RIMS1: variants seen among roughly 807,000 people sequenced by gnomAD.
RIMS1 encodes regulating synaptic membrane exocytosis protein 1.
RIMS1 carries 83 observed loss-of-function variants against 214.1 expected under a neutral mutation model. The ratio of observed to expected loss-of-function variants is 0.39; its 90% CI spans 0.32 to 0.47. The LOEUF (loss-of-function observed/expected upper bound fraction) is 0.47. Among genes scored for constraint, RIMS1 ranks in the 20% least tolerant of loss-of-function variants. The probability of loss-of-function intolerance (pLI) is 0.99; values close to 1 mark genes in which losing one functional copy is unlikely to be tolerated. For missense variants in RIMS1, 2,050 were observed against 2,161.8 expected, an observed-to-expected ratio of 0.95 and a Z score of 1.03; for synonymous variants, 793 against 786.8, an observed-to-expected ratio of 1.01 and a Z score of -0.13.
intron 19 of RIMS1, chr6:72,261,022 G>T: frequency 7.9e-7 from 1 of 1,268,016 alleles, no homozygotes; most frequent in African/African-American, 1.5e-5. Context: ...GACTGTTTGC[G>T]TTCCTAAAAC....
intron 27 of RIMS1, among the ~76,000 whole-genome samples, chr6:72,310,007 G>A (rs1484812950): frequency 1.3e-5 from 2 of 151,814 alleles, no homozygotes; most frequent in African/African-American, 4.8e-5. Context: ...ATTTTATAAA[G>A]ATCTATTTTT....
chr6:71,905,182 T>G (rs1774892271), intron 1 of RIMS1, among the ~76,000 whole-genome samples: 1 of 152,116 alleles, frequency 6.6e-6, no homozygotes, highest in Non-Finnish European at 1.5e-5. Flanking sequence ...AGGACTTTTT[T>G]TTTTTATATG....
At chr6:72,270,999 G>T (rs1437362948) in intron 22 of RIMS1, among the ~76,000 whole-genome samples, 4 of 152,186 alleles carry the variant, frequency 2.6e-5, no homozygotes. Context: ...CTGCCGTGGT[G>T]GCTCATGCCT....
At chr6:72,358,123 A>AT (rs1199918669) in intron 29 of RIMS1, among the ~76,000 whole-genome samples, 2 of 145,304 alleles carry the variant, frequency 1.4e-5, no homozygotes, top group Admixed American at 1.4e-4. Context: ...ATATGAAATT[A>AT]TTTTTTCCCT....
intron 4 of RIMS1, among the ~76,000 whole-genome samples, chr6:72,140,124 A>G (rs1202272492): frequency 2.0e-5 from 3 of 152,176 alleles, no homozygotes; most frequent in East Asian, 3.8e-4. Context: ...ATCTTGGTTT[A>G]GAAAACTGTT....
intron 2 of RIMS1, among the ~76,000 whole-genome samples, chr6:72,017,956 G>T (rs1423930279): frequency 6.6e-6 from 1 of 152,190 alleles, no homozygotes; most frequent in Non-Finnish European, 1.5e-5. Context: ...GACCAAAGAG[G>T]TTTCAAAGTG....
chr6:71,890,442 G>A (rs971208151), intron 1 of RIMS1, among the ~76,000 whole-genome samples: 6 of 139,570 alleles, frequency 4.3e-5, no homozygotes, highest in Non-Finnish European at 6.3e-5. Context: ...TAACTTTCTC[G>A]ATGAATACTC....
chr6:72,254,790 TA>T (rs1449693442), intron 16 of RIMS1, among the ~76,000 whole-genome samples: 1 of 152,204 alleles, frequency 6.6e-6, no homozygotes, highest in Non-Finnish European at 1.5e-5. Flanking sequence ...AGTGCTTGAG[TA>T]CCACCAAGGA....
At chr6:72,188,458 T>C (rs1200957241) in intron 6 of RIMS1, among the ~76,000 whole-genome samples, 6 of 152,226 alleles carry the variant, frequency 3.9e-5, no homozygotes, top group Non-Finnish European at 7.3e-5. Flanking sequence ...ATAAATCTTA[T>C]GTCACATGAT....
chr6:72,230,792 G>C (rs1000152924), intron 6 of RIMS1, among the ~76,000 whole-genome samples: 1 of 151,502 alleles, frequency 6.6e-6, no homozygotes, highest in African/African-American at 2.4e-5. Flanking sequence ...ACAAGGGATA[G>C]TATAAAAATT....
chr6:71,908,893 A>T (rs538618160), intron 1 of RIMS1, among the ~76,000 whole-genome samples: 2 of 152,318 alleles, frequency 1.3e-5, no homozygotes, highest in African/African-American at 2.4e-5. Flanking sequence ...GTATGTATTT[A>T]AGCCTGTAAG....
intron 26 of RIMS1, among the ~76,000 whole-genome samples, chr6:72,292,353 G>T (rs1008470485): frequency 9.2e-5 from 14 of 152,136 alleles, no homozygotes; most frequent in Admixed American, 7.2e-4. Flanking sequence ...AAATCTCATT[G>T]CAATATGGCA....
intron 5 of RIMS1, among the ~76,000 whole-genome samples, 198 bp from the exon 6 acceptor site, chr6:72,182,086 G>C (rs1416111251): frequency 6.6e-6 from 1 of 152,142 alleles, no homozygotes; most frequent in East Asian, 1.9e-4. Context: ...AACTATATTT[G>C]GTAATAATTA....
intron 6 of RIMS1, among the ~76,000 whole-genome samples, chr6:72,188,994 C>G (rs1047326333): frequency 6.6e-6 from 1 of 152,154 alleles, no homozygotes; most frequent in Non-Finnish European, 1.5e-5. Flanking sequence ...CATTGTGTCT[C>G]CTGGTGACAG....
chr6:72,144,439 G>A (rs1195426046), intron 4 of RIMS1, among the ~76,000 whole-genome samples: 2 of 152,124 alleles, frequency 1.3e-5, no homozygotes, highest in Admixed American at 6.6e-5. Flanking sequence ...GCCCGCTGGG[G>A]TCCTCCGTGA....
chr6:72,087,438 A>G (rs1051213127), intron 2 of RIMS1, among the ~76,000 whole-genome samples: 42 of 152,228 alleles, frequency 2.8e-4, no homozygotes, highest in African/African-American at 1.0e-3. Context: ...CTCTGGCAGA[A>G]TTGCCCTTGT....
chr6:72,212,778 A>T (rs2054049429), intron 6 of RIMS1: 1 of 1,008,758 alleles, frequency 9.9e-7, no homozygotes, highest in African/African-American at 1.7e-5. Context: ...GATCTGGTTA[A>T]AACCCAACAG....
rs2154135608 is a variant in RIMS1 at position 72,250,947 on chromosome 6, C to T, written c.2399C>T (p.Thr800Ile). 6.5e-7 allele frequency: 1 copy of T among 1,528,320 alleles called. No homozygotes were observed. The highest frequency in any genetic ancestry group is 8.8e-7 in the Non-Finnish European group (1 of 1,136,952). The allele number at this position is 1,528,320 out of a possible 1,614,324, so 94.7% of individuals were successfully genotyped here. A position where few individuals can be genotyped will look rare whatever the true frequency, so the allele number is the denominator to read the frequency against. ...RSDKSKRRTK[T>I]VKKILEPKWN... ...GATAAAAGTAAAAGGAGGACCAAAACAGTAAAGAAAATACTAGAACCAAAA... is the reference window on the plus strand; with the variant it reads ...GATAAAAGTAAAAGGAGGACCAAAATAGTAAAGAAAATACTAGAACCAAAA... Residue 800 changes from threonine to isoleucine, a missense_variant, in exon 14 of 34, where the codon ACA (threonine) becomes ATA (isoleucine). Thr to Ile is a moderately conservative substitution (Grantham distance 89). Around this residue, in one of 6 missense-constraint regions of RIMS1, gnomAD observed 889 missense variants for 885.5 expected, o/e 1.00. Transcript: ENST00000521978.
At chr6:72,104,016 G>A (rs1201030501) in intron 4 of RIMS1, among the ~76,000 whole-genome samples, 2 of 152,042 alleles carry the variant, frequency 1.3e-5, no homozygotes, top group African/African-American at 4.8e-5. Flanking sequence ...CAAAGTTTTA[G>A]AAGTTCATTT....
Sources: gnomAD v4.1 joint callset for allele counts (sites outside exome capture counted in the v4.1 genomes callset) on GRCh38, gnomAD v4.1.1 for gene constraint, gnomAD v4.1.1 regional missense constraint, MANE v1.5 for transcripts, NCBI Gene and HGNC (gene_info 2026-07-23, HGNC 2026-07-21) for gene names.